The following OGDHL variants were observed in gnomAD, a reference collection of about 807,000 sequenced individuals.
OGDHL encodes oxoglutarate dehydrogenase L.
In OGDHL, 79 loss-of-function variants were observed where a neutral mutation model predicts 109.6. That is an observed-to-expected ratio of 0.72 (90% CI 0.60 to 0.87). The LOEUF (loss-of-function observed/expected upper bound fraction) is 0.87. Ranked by LOEUF, OGDHL falls within the 40% of genes least tolerant of loss-of-function variation. The probability of loss-of-function intolerance (pLI) is 0.00; values close to 1 mark genes in which losing one functional copy is unlikely to be tolerated. For missense variants in OGDHL, 1,275 were observed against 1,362.2 expected (o/e 0.94, Z 1.01); for synonymous variants, 528 against 537.2 (o/e 0.98, Z 0.24).
In OGDHL at chr10:49,749,574, A is replaced by T. The variant is rs1376273668; in HGVS notation, c.987+152T>A. 5 of 670,316 alleles carry T rather than the reference A, an allele frequency of 7.5e-6. No homozygotes were observed. In the Admixed American group the frequency reaches 9.4e-5, roughly 13 times the overall value. 41.5% of individuals were successfully genotyped at this position (670,316 alleles called of 1,614,324 possible). On this transcript the variant is annotated intron_variant, in intron 8 of 22. Transcript: ENST00000374103. Reference sequence around the variant, plus strand: ...TGCTCCAAAAAGCCTTAGGGTCCTCAGGCAAACACCCAGCCTCTCTCCTGC... The same window carrying T: ...TGCTCCAAAAAGCCTTAGGGTCCTCTGGCAAACACCCAGCCTCTCTCCTGC...
chr10:49,744,510 G>A lies in OGDHL; in HGVS notation c.1732+140C>T, dbSNP rs1842033631. Reference sequence around the variant, plus strand: ...GACTTGCAGGAATCGGCCCCACGCAGCTTTGGGGACTCAGTGATAGAGCCT... The same window carrying A: ...GACTTGCAGGAATCGGCCCCACGCAACTTTGGGGACTCAGTGATAGAGCCT... On this transcript the variant is annotated intron_variant, in intron 13 of 22. Transcript: ENST00000374103. 5.9e-6 allele frequency: 4 copies of A among 675,074 alleles called. No homozygotes were observed. The Admixed American group carries it at 8.0e-5, about 13-fold the overall frequency. The allele number at this position is 675,074 out of a possible 1,614,324, so 41.8% of individuals were successfully genotyped here.
chr10:49,753,751 G>A (rs1041558263), intron 3 of OGDHL, among the ~76,000 whole-genome samples: 5 of 152,124 alleles, frequency 3.3e-5, no homozygotes, highest in Admixed American at 2.6e-4. Flanking sequence ...TTAGCTGGGC[G>A]TGGCGGCACA....
chr10:49,748,300 G>A lies in OGDHL; in HGVS notation c.988-1092C>T, dbSNP rs139744921. On this transcript the variant is annotated intron_variant, in intron 8 of 22. Transcript: ENST00000374103. ...ACTTGTTAAGTGAAAACAGCAAGGT[G>A]CCACCCGGTGTCACGGCTATGCCCA... 1.2e-4 allele frequency among the ~76,000 whole-genome samples: 18 copies of A among 152,342 alleles called. No individual in the cohort carries two copies. In the East Asian group the frequency reaches 3.5e-3, roughly 29 times the overall value.
chr10:49,738,072 C>T lies in OGDHL; in HGVS notation c.2392G>A (p.Ala798Thr). The change falls in exon 19 of 23, where the codon GCA (alanine) becomes ACA (threonine). Residue 798 changes from alanine to threonine, a missense_variant and splice_region_variant. Transcript: ENST00000374103. ...CTCACCTCGAAGTCCTTGGTGAATG[C>T]CTGTGGGGACGAGATGCATATGGCC... ...MSNDDSDAYP[A>T]FTKDFEVSQL... 3.1e-6 allele frequency: 5 copies of T among 1,614,126 alleles called. No homozygotes were observed. Among genetic ancestry groups the T allele is most frequent in the Middle Eastern group, 1.6e-4 (1 of 6,062 alleles).
intron 19 of OGDHL, 40 bp downstream of exon 19, chr10:49,737,907 G>A (rs1564522781): frequency 1.9e-6 from 3 of 1,614,108 alleles, no homozygotes; most frequent in Non-Finnish European, 2.5e-6. Flanking sequence ...GCCTGGCCAG[G>A]CCCCCTGCCT....
intron 15 of OGDHL, among the ~76,000 whole-genome samples, chr10:49,742,473 C>A (rs1841838907): frequency 2.7e-4 from 15 of 54,944 alleles, no homozygotes; most frequent in South Asian, 7.2e-4. Context: ...CACACACCCC[C>A]TATACACTCC....
Position 49,752,155 on chromosome 10 carries a change from C to A in OGDHL, c.572G>T (p.Arg191Leu). Residue 191 changes from arginine (R) to leucine (L), a missense_variant, in exon 5 of 23, where the codon CGG (arginine) becomes CTG (leucine). By Grantham distance (102) the Arg-to-Leu change is moderately radical (BLOSUM62 -2). Transcript: ENST00000374103. ...IGGSENTLSL[R>L]EIIRRLENTY... ...CACCTCCAGGCGCCGAATGATCTCCCGCAGAGAGAGGGTGTTTTCAGAGCC... is the reference window on the plus strand; with the variant it reads ...CACCTCCAGGCGCCGAATGATCTCCAGCAGAGAGAGGGTGTTTTCAGAGCC... The A allele has an allele frequency of 6.2e-7, 1 of 1,614,082 alleles. No homozygotes were observed. The highest frequency in any genetic ancestry group is 1.1e-5 in the South Asian group (1 of 91,072).
intron 2 of OGDHL, 117 bp from the exon 3 acceptor site, chr10:49,757,063 C>T (rs947862813): frequency 1.0e-6 from 1 of 1,003,858 alleles, no homozygotes; most frequent in East Asian, 2.6e-5. Flanking sequence ...GCTCTCAGGG[C>T]CTTCCCAGGG....
At chr10:49,753,075 C>A (rs964499528) in intron 3 of OGDHL, among the ~76,000 whole-genome samples, 1 of 148,878 alleles carries the variant, frequency 6.7e-6, no homozygotes, top group African/African-American at 2.5e-5. Context: ...TGGATATGGG[C>A]GATCCACACA....
At chr10:49,737,888 G>A in intron 19 of OGDHL, 30 bp from the exon 20 acceptor site, 1 of 1,614,166 alleles carries the variant, frequency 6.2e-7, no homozygotes, top group South Asian at 1.1e-5. Context: ...CCAGCTGCCA[G>A]CTGGCCCTGC....
chr10:49,749,285 A>G (rs1395766419), intron 8 of OGDHL, among the ~76,000 whole-genome samples: 2 of 152,124 alleles, frequency 1.3e-5, no homozygotes, highest in African/African-American at 2.4e-5. Context: ...AGGGGGTGGG[A>G]GCAGGAACAA....
chr10:49,743,065 A>G, intron 14 of OGDHL, 87 bp from the exon 15 acceptor site: 1 of 1,481,978 alleles, frequency 6.7e-7, no homozygotes, highest in Admixed American at 2.1e-5. Context: ...CCCCGCACAA[A>G]GCAGGGCAGC....
chr10:49,751,831 T>C lies in OGDHL; in HGVS notation c.745A>G (p.Met249Val), dbSNP rs1380422404. 2 of 1,613,512 alleles carry C rather than the reference T, an allele frequency of 1.2e-6. No individual in the cohort carries two copies. The highest frequency in any genetic ancestry group is 1.7e-6 in the Non-Finnish European group (2 of 1,179,842). The stretch of plus-strand genomic sequence containing the variant: ...GGCCCTCCAGGTGGTGCCAACCTCA[T>C]GGAGCGCACTAGCCGGGCCAGCAGG... Reference protein sequence around the residue: ...RTLLARLVRSMRFEDFLARKW... With the variant: ...RTLLARLVRSVRFEDFLARKW... The change falls in exon 6 of 23, where the codon ATG becomes GTG. Residue 249 changes from methionine (M) to valine (V), a missense_variant. By Grantham distance (21) the Met-to-Val change is conservative. Coordinates refer to ENST00000374103, the MANE Select transcript of OGDHL (RefSeq NM_018245.3).
At chr10:49,742,085 T>TATCACAC (rs1554817970) in intron 15 of OGDHL, among the ~76,000 whole-genome samples, 22 of 137,698 alleles carry the variant, frequency 1.6e-4, no homozygotes, top group African/African-American at 5.0e-4. Context: ...ACCCCACACA[T>TATCACAC]ACCACACAAA....
chr10:49,750,972 G>A lies in OGDHL; in HGVS notation c.763C>T (p.Leu255=). ...LVRSMRFEDF[L]ARKWSSEKRF... ...TTCTCTGAGGACCATTTCCGGGCCA[G>A]GAAGTCTTCAAACCTGCTTGGGGAG... The change falls in exon 7 of 23, where the codon CTG becomes TTG. Residue 255 remains leucine, a synonymous_variant. Transcript: ENST00000374103. 2 of 1,605,108 alleles carry A rather than the reference G, an allele frequency of 1.2e-6. No individual in the cohort carries two copies. Among genetic ancestry groups the A allele is most frequent in the Non-Finnish European group, 1.7e-6 (2 of 1,174,178 alleles).
At chr10:49,750,773 T>C in intron 7 of OGDHL, 66 bp downstream of exon 7, 1 of 1,502,738 alleles carries the variant, frequency 6.7e-7, no homozygotes, top group African/African-American at 1.4e-5. Flanking sequence ...TTCCATCTCA[T>C]CTCTCCCACC....
intron 3 of OGDHL, 125 bp from the exon 4 acceptor site, chr10:49,752,865 C>T (rs955374171): frequency 3.0e-6 from 2 of 669,570 alleles, no homozygotes; most frequent in African/African-American, 1.8e-5. Flanking sequence ...CATGTCTCTG[C>T]CCCGCGGCTA....
chr10:49,739,849 A>T lies in OGDHL; in HGVS notation c.2141-10T>A. 1 of 1,609,222 alleles carries T rather than the reference A, an allele frequency of 6.2e-7. No homozygotes were observed. Among genetic ancestry groups the T allele is most frequent in the South Asian group, 1.1e-5 (1 of 90,364 alleles). On this transcript the variant is annotated splice_polypyrimidine_tract_variant and intron_variant, in intron 16 of 22. Transcript: ENST00000374103. ...TAGCCCAGCTCAAAGCCTAAACAGAAGACAAGATAGAGCTTGCTGCACACA... is the reference window on the plus strand; with the variant it reads ...TAGCCCAGCTCAAAGCCTAAACAGATGACAAGATAGAGCTTGCTGCACACA...
At chr10:49,756,392 G>A (rs907873189) in intron 3 of OGDHL, among the ~76,000 whole-genome samples, 3 of 152,174 alleles carry the variant, frequency 2.0e-5, no homozygotes, top group Non-Finnish European at 4.4e-5. Context: ...GGCACCTGCT[G>A]TATCAGTCCC....
Sources: gnomAD v4.1 joint callset for allele counts (sites outside exome capture counted in the v4.1 genomes callset) on GRCh38, gnomAD v4.1.1 for gene constraint, MANE v1.5 for transcripts, NCBI Gene and HGNC (gene_info 2026-07-23, HGNC 2026-07-21) for gene names.